The following ADGRF3 variants were observed in gnomAD, a reference collection of about 807,000 sequenced individuals.
ADGRF3 encodes the protein G protein-coupled receptor 113.
A neutral mutation model predicts 93.2 loss-of-function variants in ADGRF3; 85 were observed. The ratio of observed to expected loss-of-function variants is 0.91; its 90% confidence interval spans 0.77 to 1.09. The LOEUF is 1.09. Ranked by LOEUF, ADGRF3 falls within the 50% of genes least tolerant of loss-of-function variation. ADGRF3 has a pLI of 0.00. For missense variants in ADGRF3, 1,125 were observed against 1,246.2 expected (o/e 0.90, Z 1.46); for synonymous variants, 534 against 532.5 (o/e 1.00, Z -0.04).
At chr2:26,343,394 A>T (rs1184699082) in intron 1 of ADGRF3, among the ~76,000 whole-genome samples, 1 of 152,124 alleles carries the variant, frequency 6.6e-6, no homozygotes, top group Non-Finnish European at 1.5e-5. Flanking sequence ...CGTAGTACCT[A>T]ATAGGTTCTA....
chr2:26,315,160 G>C (rs1423788003), intron 5 of ADGRF3, among the ~76,000 whole-genome samples: 1 of 152,084 alleles, frequency 6.6e-6, no homozygotes, highest in Non-Finnish European at 1.5e-5. Context: ...AAGGGCCACT[G>C]TCTACACCTG....
chr2:26,324,019 A>G (rs559406493), intron 1 of ADGRF3, among the ~76,000 whole-genome samples: 1 of 152,106 alleles, frequency 6.6e-6, no homozygotes, highest in Non-Finnish European at 1.5e-5. Flanking sequence ...AGGCGGGTGG[A>G]TTGCTTAAGG....
chr2:26,312,898 C>G (rs762418144), intron 9 of ADGRF3, 45 bp downstream of exon 9: 1 of 1,536,410 alleles, frequency 6.5e-7, no homozygotes, highest in South Asian at 1.2e-5. Context: ...GAGTCTTCAG[C>G]CCCCGACTGC....
At chr2:26,341,463 A>G (rs915458502) in intron 1 of ADGRF3, among the ~76,000 whole-genome samples, 2 of 152,182 alleles carry the variant, frequency 1.3e-5, no homozygotes, top group Non-Finnish European at 2.9e-5. Flanking sequence ...CAACATAGGA[A>G]GTAGGAGGTA....
chr2:26,339,888 AC>A (rs1676274127), intron 1 of ADGRF3, among the ~76,000 whole-genome samples: 1 of 152,120 alleles, frequency 6.6e-6, no homozygotes, highest in Admixed American at 6.5e-5. Context: ...CCAGAACAAG[AC>A]CCACATTGTA....
chr2:26,320,980 AGTT>A (rs1228130476), intron 1 of ADGRF3, among the ~76,000 whole-genome samples: 7 of 152,130 alleles, frequency 4.6e-5, no homozygotes, highest in African/African-American at 1.7e-4. Context: ...ATTTGACAAT[AGTT>A]GTTGCTTCTG....
intron 1 of ADGRF3, among the ~76,000 whole-genome samples, chr2:26,324,472 T>C (rs1411115611): frequency 6.6e-6 from 1 of 150,390 alleles, no homozygotes; most frequent in Non-Finnish European, 1.5e-5. Context: ...CCATTAGTTA[T>C]TTTCCTGACC....
intron 1 of ADGRF3, among the ~76,000 whole-genome samples, chr2:26,338,004 A>G (rs1034616038): frequency 6.6e-6 from 1 of 152,190 alleles, no homozygotes; most frequent in African/African-American, 2.4e-5. Context: ...AGCCTGGGCA[A>G]CAAAGCAAGA....
chr2:26,328,050 T>C (rs1162935378), intron 1 of ADGRF3, among the ~76,000 whole-genome samples: 1 of 152,180 alleles, frequency 6.6e-6, no homozygotes, highest in Non-Finnish European at 1.5e-5. Context: ...TAATGAGCCT[T>C]GTGATTCGAG....
At chr2:26,317,625 G>T in intron 1 of ADGRF3, 63 bp from the exon 2 acceptor site, 2 of 1,420,624 alleles carry the variant, frequency 1.4e-6, no homozygotes, top group Non-Finnish European at 9.7e-7. Flanking sequence ...GGGCCAGCCT[G>T]ACTAGTCTCA....
chr2:26,316,471 G>C, intron 3 of ADGRF3, 23 bp from the exon 4 acceptor site: 1 of 1,548,004 alleles, frequency 6.5e-7, no homozygotes, highest in African/African-American at 1.4e-5. Context: ...AGAGAAGAGG[G>C]GGTGGGCAGG....
intron 1 of ADGRF3, among the ~76,000 whole-genome samples, chr2:26,343,439 T>C (rs188917174): frequency 8.0e-6 from 1 of 124,568 alleles, no homozygotes; most frequent in African/African-American, 2.6e-5. Flanking sequence ...CAAATGATCT[T>C]TTTTTTTTTT....
rs1211643513 is a variant in ADGRF3, at chr2:26,346,737, T to G, written c.-503A>C. ...GGGGAGCGACTTGCCGATGCCATCC[T>G]GCTGATGTCTCCACTTCTGCTCCCG... On this transcript the variant is annotated 5_prime_UTR_variant, in exon 1 of 14. Coordinates refer to ENST00000651242, the MANE Select transcript of ADGRF3 (RefSeq NM_001321971.2). The G allele has an allele frequency of 6.4e-6, 1 of 157,326 alleles. No individual in the cohort carries two copies. The highest frequency in any genetic ancestry group is 1.4e-5 in the Non-Finnish European group (1 of 71,310). 9.7% of individuals were successfully genotyped at this position (157,326 alleles called of 1,614,324 possible). A position where few individuals can be genotyped will look rare whatever the true frequency, so the allele number is the denominator to read the frequency against.
chr2:26,327,599 G>A (rs1277286112), intron 1 of ADGRF3, among the ~76,000 whole-genome samples: 3 of 149,930 alleles, frequency 2.0e-5, no homozygotes, highest in Non-Finnish European at 4.4e-5. Context: ...TCTGGAGGCT[G>A]AGAAGTCCAA....
At chr2:26,323,370 A>C (rs1387601742) in intron 1 of ADGRF3, among the ~76,000 whole-genome samples, 2 of 152,168 alleles carry the variant, frequency 1.3e-5, no homozygotes, top group African/African-American at 4.8e-5. Flanking sequence ...GGAAACTGAT[A>C]AGTTTTTAGC....
chr2:26,314,279 A>G (rs1031933072), intron 6 of ADGRF3, 135 bp downstream of exon 6: 4 of 817,842 alleles, frequency 4.9e-6, no homozygotes, highest in Non-Finnish European at 5.7e-6. Context: ...TGGGGTAGAA[A>G]ACAGTGTTGG....
At chr2:26,314,732 C>T (rs1003117775) in intron 5 of ADGRF3, 109 bp from the exon 6 acceptor site, 8 of 1,017,342 alleles carry the variant, frequency 7.9e-6, no homozygotes, top group Admixed American at 4.3e-5. Flanking sequence ...TGCCTGCCAC[C>T]CAGTGCTTAA....
chr2:26,334,056 C>A (rs192397646), intron 1 of ADGRF3, among the ~76,000 whole-genome samples: 2 of 151,708 alleles, frequency 1.3e-5, no homozygotes, highest in Admixed American at 1.3e-4. Context: ...GAACTCCTGA[C>A]CTCAAGTGAT....
chr2:26,321,925 A>C (rs1234784738), intron 1 of ADGRF3, among the ~76,000 whole-genome samples: 1 of 148,418 alleles, frequency 6.7e-6, no homozygotes, highest in Non-Finnish European at 1.5e-5. Context: ...GTGAGCTGAG[A>C]TCGTGCCATT....
Sources: allele counts gnomAD v4.1 joint callset (sites outside exome capture counted in the v4.1 genomes callset), GRCh38; gene constraint gnomAD v4.1.1; transcripts MANE v1.5; gene names NCBI Gene and HGNC (gene_info 2026-07-23, HGNC 2026-07-21).